ANKEF1: variants seen among roughly 807,000 people sequenced by gnomAD.
ANKEF1 encodes the protein ankyrin repeat and EF-hand domain-containing protein 1.
A neutral mutation model predicts 65.1 loss-of-function variants in ANKEF1; 43 were observed. The ratio of observed to expected loss-of-function variants is 0.66; its 90% CI spans 0.52 to 0.85. The LOEUF (loss-of-function observed/expected upper bound fraction) is 0.85. Ranked by LOEUF, ANKEF1 falls within the 40% of genes least tolerant of loss-of-function variation. ANKEF1 has a pLI of 0.00. For missense variants in ANKEF1, 934 were observed against 952.9 expected (o/e 0.98, Z 0.26); for synonymous variants, 316 against 341.5 (o/e 0.93, Z 0.82).
Position 10,054,525 on chromosome 20 carries a change from A to T in ANKEF1, c.2098A>T (p.Asn700Tyr). The change falls in exon 10 of 11, where the codon AAT becomes TAT. Residue 700 changes from asparagine (N) to tyrosine (Y), a missense_variant. By Grantham distance (143) the Asn-to-Tyr change is moderately radical. Coordinates refer to ENST00000378392, the MANE Select transcript of ANKEF1 (RefSeq NM_022096.6). ...AGAGGGAAAGAAAGTACAGAAGGGT[A>T]ATGTGGTTCATCTGAATTCATTGAT... ...TSEGKKVQKG[N>Y]VVHLNSLITS... 1 of 1,608,602 alleles carries T rather than the reference A, an allele frequency of 6.2e-7. No individual in the cohort carries two copies.
At chr20:10,044,318 A>G (rs1262899471) in intron 4 of ANKEF1, 76 bp from the exon 5 acceptor site, 6 of 1,458,446 alleles carry the variant, frequency 4.1e-6, no homozygotes, top group Non-Finnish European at 5.6e-6. Context: ...ATGGATTCAG[A>G]CTGTATTTGT....
Position 10,043,102 on chromosome 20 carries a change from G to C in ANKEF1, c.347-20G>C, listed in dbSNP as rs41275626. On this transcript the variant is annotated intron_variant, in intron 3 of 10. Coordinates refer to ENST00000378392, the MANE Select transcript of ANKEF1 (RefSeq NM_022096.6). ...ATGTATAGATGTTAAATACTCTCTGGGGATTTTATTTCTCTGCAGGTGTTT... is the reference window on the plus strand; with the variant it reads ...ATGTATAGATGTTAAATACTCTCTGCGGATTTTATTTCTCTGCAGGTGTTT... 1.2e-6 allele frequency: 2 copies of C among 1,608,670 alleles called. No individual in the cohort carries two copies. The highest frequency in any genetic ancestry group is 1.7e-6 in the Non-Finnish European group (2 of 1,175,746).
Position 10,045,622 on chromosome 20 carries a change from A to G in ANKEF1, c.745A>G (p.Ile249Val). The G allele has an allele frequency of 6.2e-7, 1 of 1,613,898 alleles. No individual in the cohort carries two copies. The highest frequency in any genetic ancestry group is 8.5e-7 in the Non-Finnish European group (1 of 1,179,862). The part of the protein sequence containing the change: ...AYNGDVGLIS[I>V]NGNTPLHYAA... ...CAATGGAGACGTGGGGCTGATTTCGATAAATGGGAACACACCACTTCATTA... is the reference window on the plus strand; with the variant it reads ...CAATGGAGACGTGGGGCTGATTTCGGTAAATGGGAACACACCACTTCATTA... The change falls in exon 6 of 11, where the codon ATA (isoleucine) becomes GTA (valine). Residue 249 changes from isoleucine (I) to valine (V), a missense_variant. Coordinates refer to ENST00000378392, the MANE Select transcript of ANKEF1 (RefSeq NM_022096.6).
intron 4 of ANKEF1, 53 bp downstream of exon 4, chr20:10,043,374 A>G (rs1984313738): frequency 2.0e-6 from 3 of 1,517,610 alleles, no homozygotes; most frequent in Non-Finnish European, 2.7e-6. Context: ...ACAGCATAGT[A>G]TAATCTTTTC....
At chr20:10,053,429 A>C (rs1214386777) in intron 9 of ANKEF1, among the ~76,000 whole-genome samples, 154 bp downstream of exon 9, 2 of 152,212 alleles carry the variant, frequency 1.3e-5, no homozygotes, top group African/African-American at 4.8e-5. Flanking sequence ...GTACTTTTAA[A>C]GAAATATCTA....
In ANKEF1 at chr20:10,057,930, G is replaced by A. The variant is rs1048926725; in HGVS notation, c.*2270G>A. The A allele has an allele frequency of 2.6e-5, 4 of 152,126 alleles. No homozygotes were observed. Among genetic ancestry groups the A allele is most frequent in the African/African-American group, 9.6e-5 (4 of 41,520 alleles). The allele number at this position is 152,126 out of a possible 1,614,324, so 9.4% of individuals were successfully genotyped here. On this transcript the variant is annotated 3_prime_UTR_variant, in exon 11 of 11. Coordinates refer to ENST00000378392, the MANE Select transcript of ANKEF1 (RefSeq NM_022096.6). ...GTTTGTTTATGACAGTATATAAGAAGAACACAAGCCACTTTTATCTTGTAA... is the reference window on the plus strand; with the variant it reads ...GTTTGTTTATGACAGTATATAAGAAAAACACAAGCCACTTTTATCTTGTAA...
intron 2 of ANKEF1, among the ~76,000 whole-genome samples, chr20:10,037,005 G>A (rs868786045): frequency 6.6e-6 from 1 of 152,144 alleles, no homozygotes; most frequent in Non-Finnish European, 1.5e-5. Context: ...GGAAGCAGGC[G>A]ATGGAGATGT....
At position 10,044,450 on chromosome 20, in the gene ANKEF1, T is replaced by TA; in HGVS notation, c.603_604insA (p.Arg202ThrfsTer9). 1 of 1,614,110 alleles carries TA rather than the reference T, an allele frequency of 6.2e-7. No homozygotes were observed. The highest frequency in any genetic ancestry group is 8.5e-7 in the Non-Finnish European group (1 of 1,180,000). ...CAAGAGAAGGGGTAGTGGAAATAGT[T>TA]CGAGGCATATTGGAAAGAGGAGGTG... On this transcript the variant is annotated frameshift_variant, in exon 5 of 11. Transcript: ENST00000378392. LOFTEE classifies it high-confidence loss of function.
At chr20:10,042,789 T>C (rs1432482101) in intron 3 of ANKEF1, among the ~76,000 whole-genome samples, 1 of 152,162 alleles carries the variant, frequency 6.6e-6, no homozygotes, top group Non-Finnish European at 1.5e-5. Flanking sequence ...TTGGCACACA[T>C]AGCTGTAGCC....
intron 3 of ANKEF1, among the ~76,000 whole-genome samples, chr20:10,039,364 G>C (rs1984044426): frequency 6.6e-6 from 1 of 152,170 alleles, no homozygotes; most frequent in Admixed American, 6.5e-5. Flanking sequence ...AATGTAAACT[G>C]ATAGGTTTGA....
rs926340110 is a variant in ANKEF1, at chr20:10,056,155, A to G, written c.*495A>G. 3.3e-5 allele frequency: 5 copies of G among 153,628 alleles called. No homozygotes were observed. Among genetic ancestry groups the G allele is most frequent in the African/African-American group, 9.7e-5 (4 of 41,324 alleles). The allele number at this position is 153,628 out of a possible 1,614,324, so 9.5% of individuals were successfully genotyped here. On this transcript the variant is annotated 3_prime_UTR_variant, in exon 11 of 11. Transcript: ENST00000378392. The stretch of plus-strand genomic sequence containing the variant: ...ATACATTTCTAGTGGAAATTGATGA[A>G]ACAATTTAGGTTTTGGAAAAAGAAG...
Position 10,055,793 on chromosome 20 carries a change from A to G in ANKEF1, c.*133A>G. ...GTTACCAAGAATTTCTTTTTGCTTT[A>G]ACAACTATAAATATTCTTAGCTGTC... On this transcript the variant is annotated 3_prime_UTR_variant, in exon 11 of 11. Coordinates refer to ENST00000378392, the MANE Select transcript of ANKEF1 (RefSeq NM_022096.6). 2 of 804,760 alleles carry G rather than the reference A, an allele frequency of 2.5e-6. No homozygotes were observed. Among genetic ancestry groups the G allele is most frequent in the South Asian group, 1.8e-5 (1 of 55,736 alleles). The allele number at this position is 804,760 out of a possible 1,614,324, so 49.9% of individuals were successfully genotyped here. A position where few individuals can be genotyped will look rare whatever the true frequency, so the allele number is the denominator to read the frequency against.
intron 6 of ANKEF1, 76 bp downstream of exon 6, chr20:10,045,773 C>A: frequency 6.6e-7 from 1 of 1,512,790 alleles, no homozygotes; most frequent in Non-Finnish European, 9.1e-7. Context: ...GAATTTGGGC[C>A]TATCACTTGT....
At chr20:10,043,543 A>G (rs991886813) in intron 4 of ANKEF1, among the ~76,000 whole-genome samples, 4 of 152,034 alleles carry the variant, frequency 2.6e-5, no homozygotes, top group African/African-American at 7.2e-5. Flanking sequence ...GCATAATGTC[A>G]AGGTACCATT....
chr20:10,050,863 C>A (rs991469979), intron 7 of ANKEF1, among the ~76,000 whole-genome samples: 4 of 152,176 alleles, frequency 2.6e-5, no homozygotes, highest in African/African-American at 9.7e-5. Flanking sequence ...GCTTTGGTCC[C>A]AAAACCTGCT....
intron 8 of ANKEF1, 126 bp downstream of exon 8, chr20:10,052,015 T>C: frequency 1.5e-6 from 1 of 687,466 alleles, no homozygotes; most frequent in Non-Finnish European, 2.3e-6. Context: ...AACACAAGCC[T>C]GAGTTAAATG....
chr20:10,035,105 T>G lies in ANKEF1; in HGVS notation c.-337T>G, dbSNP rs1219668715. The G allele has an allele frequency of 6.5e-6, 1 of 154,180 alleles. No individual in the cohort carries two copies. The highest frequency in any genetic ancestry group is 6.5e-5 in the Admixed American group (1 of 15,294). 9.6% of individuals were successfully genotyped at this position (154,180 alleles called of 1,614,324 possible). On this transcript the variant is annotated 5_prime_UTR_variant, in exon 1 of 11. An upstream start codon of the reference 5' UTR is lost. Coordinates refer to ENST00000378392, the MANE Select transcript of ANKEF1 (RefSeq NM_022096.6). ...TCGCCTTCCGGGGACCCGGGGCCCA[T>G]GGACACATACACCCAGCCCTGCTGT...
At chr20:10,036,406 C>T (rs1983860759) in intron 2 of ANKEF1, among the ~76,000 whole-genome samples, 1 of 151,832 alleles carries the variant, frequency 6.6e-6, no homozygotes, top group African/African-American at 2.4e-5. Context: ...CGCACCTAAT[C>T]GGAATATGGC....
In ANKEF1 at chr20:10,054,468, C is replaced by A. The variant is rs538974553; in HGVS notation, c.2041C>A (p.Leu681Met). 6.5e-6 allele frequency: 10 copies of A among 1,546,752 alleles called. No homozygotes were observed. The African/African-American group carries it at 1.4e-4, about 22-fold the overall frequency. Reference protein sequence around the residue: ...GPEIKKEEELLSSIYGVPTTS... With the variant: ...GPEIKKEEELMSSIYGVPTTS... ...TTTTTGTTCTTGTTTCCAGGAACTG[C>A]TGTCATCAATTTATGGTGTACCAAC... Residue 681 changes from leucine (L) to methionine (M), a missense_variant, in exon 10 of 11, where the codon CTG (leucine) becomes ATG (methionine). Transcript: ENST00000378392.
Sources: allele counts gnomAD v4.1 joint callset (sites outside exome capture counted in the v4.1 genomes callset), GRCh38; gene constraint gnomAD v4.1.1; transcripts MANE v1.5; gene names NCBI Gene and HGNC (gene_info 2026-07-23, HGNC 2026-07-21).